MDFIC2: variants seen among roughly 807,000 people sequenced by gnomAD.
MDFIC2 encodes MyoD family inhibitor domain containing 2.
At chr3:70,289,647 C>G (rs1382801278) in intron 2 of MDFIC2, among the ~76,000 whole-genome samples, 5 of 151,678 alleles carry the variant, frequency 3.3e-5, no homozygotes, top group African/African-American at 1.2e-4. Context: ...TAATATCCTG[C>G]AGAGTGTTTT....
chr3:70,278,637 C>A (rs1241024949), intron 2 of MDFIC2, among the ~76,000 whole-genome samples: 2 of 152,056 alleles, frequency 1.3e-5, no homozygotes, highest in East Asian at 1.9e-4. Context: ...ATATACTTGG[C>A]TCTAGAATAT....
Position 70,259,497 on chromosome 3 carries a change from G to A in MDFIC2, c.88+52389C>T, listed in dbSNP as rs549395377. Among the ~76,000 whole-genome samples, 6 of 152,200 alleles carry A rather than the reference G, an allele frequency of 3.9e-5. No individual in the cohort carries two copies. In the South Asian group the frequency reaches 1.2e-3, roughly 32 times the overall value. ...AGCACGCAAGCACTTGAAGGGCAGGGAGTCTGTCTGCTCTATTCATGGCTG... is the reference window on the plus strand; with the variant it reads ...AGCACGCAAGCACTTGAAGGGCAGGAAGTCTGTCTGCTCTATTCATGGCTG... On this transcript the variant is annotated intron_variant, in intron 2 of 3. Coordinates refer to ENST00000567252, the MANE Select transcript of MDFIC2 (RefSeq NM_001364677.1).
chr3:70,291,669 A>G (rs1052306636), intron 2 of MDFIC2, among the ~76,000 whole-genome samples: 3 of 152,194 alleles, frequency 2.0e-5, no homozygotes, highest in Non-Finnish European at 2.9e-5. Context: ...CAGATTTGCT[A>G]GCTTTTTCCC....
At chr3:70,244,436 A>G (rs1314081779) in intron 2 of MDFIC2, among the ~76,000 whole-genome samples, 2 of 152,230 alleles carry the variant, frequency 1.3e-5, no homozygotes, top group African/African-American at 4.8e-5. Flanking sequence ...AATTAAAATA[A>G]CATGTAAAGG....
chr3:70,306,304 G>T (rs553559110), intron 2 of MDFIC2, among the ~76,000 whole-genome samples: 23 of 152,042 alleles, frequency 1.5e-4, no homozygotes, highest in Non-Finnish European at 2.9e-5. Context: ...GTAAAGACGG[G>T]GTTTCACCAT....
intron 2 of MDFIC2, among the ~76,000 whole-genome samples, chr3:70,287,593 C>A (rs1448868028): frequency 6.6e-6 from 1 of 151,982 alleles, no homozygotes; most frequent in Non-Finnish European, 1.5e-5. Context: ...AGGGAGGATT[C>A]CCTCTTTTTC....
At chr3:70,265,160 G>A (rs1398056264) in intron 2 of MDFIC2, among the ~76,000 whole-genome samples, 2 of 152,162 alleles carry the variant, frequency 1.3e-5, no homozygotes, top group Non-Finnish European at 2.9e-5. Context: ...TTCAAGATTG[G>A]GTGGGGACAC....
intron 2 of MDFIC2, among the ~76,000 whole-genome samples, chr3:70,258,832 G>A (rs558569860): frequency 6.6e-6 from 1 of 152,070 alleles, no homozygotes; most frequent in South Asian, 2.1e-4. Context: ...ACACAAAAAC[G>A]CTGAGAGCAG....
At chr3:70,281,671 C>G (rs936718478) in intron 2 of MDFIC2, among the ~76,000 whole-genome samples, 6 of 152,108 alleles carry the variant, frequency 3.9e-5, no homozygotes, top group African/African-American at 7.2e-5. Context: ...GTTCTTCTCC[C>G]TGAGGAATCC....
chr3:70,267,706 C>A (rs540518878), intron 2 of MDFIC2, among the ~76,000 whole-genome samples: 202 of 151,850 alleles, frequency 1.3e-3, no homozygotes, highest in Non-Finnish European at 2.3e-3. Flanking sequence ...GAGAGCCACC[C>A]CGCCCAGCCT....
intron 3 of MDFIC2, 39 bp downstream of exon 3, chr3:70,206,530 A>G (rs1701292158): frequency 1.5e-5 from 6 of 396,872 alleles, no homozygotes; most frequent in Non-Finnish European, 2.7e-5. Context: ...GGGGGTTGGG[A>G]GCTTTATTTA....
At chr3:70,298,139 A>C (rs74778410) in intron 2 of MDFIC2, among the ~76,000 whole-genome samples, 2,018 of 152,224 alleles carry the variant, frequency 0.013, 32 homozygotes, top group African/African-American at 0.045. Flanking sequence ...ATATTTGAAA[A>C]TTAAAGTTAG....
intron 2 of MDFIC2, among the ~76,000 whole-genome samples, chr3:70,311,684 A>G (rs2106710530): frequency 6.6e-6 from 1 of 152,268 alleles, no homozygotes; most frequent in Middle Eastern, 3.4e-3. Context: ...TACAGGGACC[A>G]CAAGAAGCAT....
chr3:70,290,887 C>G (rs1040470487), intron 2 of MDFIC2, among the ~76,000 whole-genome samples: 1 of 152,166 alleles, frequency 6.6e-6, no homozygotes, highest in South Asian at 2.1e-4. Context: ...TTGCGCTTCC[C>G]GAGTGAGGCA....
intron 2 of MDFIC2, among the ~76,000 whole-genome samples, chr3:70,248,077 TTGAG>T (rs1457581404): frequency 1.3e-5 from 2 of 152,060 alleles, no homozygotes; most frequent in African/African-American, 4.8e-5. Context: ...CTAACATTTA[TTGAG>T]TATGTATTAA....
intron 2 of MDFIC2, among the ~76,000 whole-genome samples, chr3:70,295,833 A>AT (rs1281195786): frequency 1.3e-5 from 2 of 152,162 alleles, no homozygotes; most frequent in East Asian, 3.8e-4. Context: ...ATAATACCTT[A>AT]TTTTTTATGA....
chr3:70,280,560 T>A (rs1024897129), intron 2 of MDFIC2, among the ~76,000 whole-genome samples: 3 of 152,152 alleles, frequency 2.0e-5, no homozygotes, highest in Non-Finnish European at 2.9e-5. Context: ...ATGTTGGGAC[T>A]CAGAAAACGA....
chr3:70,257,879 G>T (rs1701831567), intron 2 of MDFIC2, among the ~76,000 whole-genome samples: 1 of 152,114 alleles, frequency 6.6e-6, no homozygotes, highest in African/African-American at 2.4e-5. Flanking sequence ...TTCCAAAGTT[G>T]CAATAAAGCT....
At chr3:70,289,127 G>A (rs144707914) in intron 2 of MDFIC2, among the ~76,000 whole-genome samples, 2,782 of 150,982 alleles carry the variant, frequency 0.018, 120 homozygotes, top group East Asian at 0.15. Flanking sequence ...GATTTTGCTC[G>A]TTAGTTGATG....
Sources: gnomAD v4.1 joint callset for allele counts (sites outside exome capture counted in the v4.1 genomes callset) on GRCh38, gnomAD v4.1.1 for gene constraint, MANE v1.5 for transcripts, NCBI Gene and HGNC (gene_info 2026-07-23, HGNC 2026-07-21) for gene names.